DOCK4: variants seen among roughly 807,000 people sequenced by gnomAD.
DOCK4 encodes the protein dedicator of cytokinesis protein 4.
Under a neutral mutation model 268.1 loss-of-function variants are expected in DOCK4, and 97 were observed. The ratio of observed to expected loss-of-function variants is 0.36; its 90% CI spans 0.31 to 0.43. The LOEUF is 0.43. Among genes scored for constraint, DOCK4 ranks in the 20% least tolerant of loss-of-function variants. DOCK4 has a pLI of 1.00. For missense variants in DOCK4, 2,145 were observed against 2,455.7 expected (o/e 0.87, Z 2.67); for synonymous variants, 954 against 887.2 (o/e 1.08, Z -1.34).
intron 4 of DOCK4, among the ~76,000 whole-genome samples, chr7:111,998,078 G>A (rs1800111364): frequency 6.6e-6 from 1 of 152,172 alleles, no homozygotes; most frequent in Non-Finnish European, 1.5e-5. Flanking sequence ...TAGAATCAGT[G>A]GTGAACCTAG....
At chr7:111,902,814 G>T (rs1791252682) in intron 13 of DOCK4, among the ~76,000 whole-genome samples, 1 of 151,452 alleles carries the variant, frequency 6.6e-6, no homozygotes, top group Admixed American at 6.6e-5. Flanking sequence ...CTGTCGCCCA[G>T]GCTGGAGTGC....
At chr7:112,119,043 T>C (rs2115856229) in intron 1 of DOCK4, among the ~76,000 whole-genome samples, 1 of 152,276 alleles carries the variant, frequency 6.6e-6, no homozygotes, top group East Asian at 1.9e-4. Context: ...GCTAGTCACT[T>C]TGGCTCGCTG....
intron 23 of DOCK4, among the ~76,000 whole-genome samples, chr7:111,862,097 G>A (rs1387111805): frequency 2.6e-5 from 4 of 151,998 alleles, no homozygotes; most frequent in Non-Finnish European, 4.4e-5. Flanking sequence ...TCAGGAGTTC[G>A]ACAGCAGCCT....
chr7:112,061,520 GTCACCCGCTTTCTAACAC>G (rs1806389603), intron 1 of DOCK4, among the ~76,000 whole-genome samples: 1 of 151,932 alleles, frequency 6.6e-6, no homozygotes, highest in Admixed American at 6.6e-5. Context: ...ATGTCTTTCT[GTCACCCGCTTTCTAACAC>G]TCCATCCTTA....
At chr7:111,891,488 C>A (rs1164763231) in intron 16 of DOCK4, among the ~76,000 whole-genome samples, 1 of 152,136 alleles carries the variant, frequency 6.6e-6, no homozygotes, top group Non-Finnish European at 1.5e-5. Flanking sequence ...TTAATCAGAT[C>A]TATGTTATTG....
chr7:111,745,213 T>A (rs1299822115), intron 44 of DOCK4, among the ~76,000 whole-genome samples: 1 of 152,196 alleles, frequency 6.6e-6, no homozygotes, highest in Non-Finnish European at 1.5e-5. Context: ...TGATGAGTTG[T>A]ATGTAGTTTT....
chr7:112,133,273 CA>C (rs1813977533), intron 1 of DOCK4, among the ~76,000 whole-genome samples: 1 of 152,074 alleles, frequency 6.6e-6, no homozygotes, highest in Non-Finnish European at 1.5e-5. Context: ...AGAGAGAAAC[CA>C]AAATAGAGTC....
At chr7:111,979,023 A>G (rs552878087) in intron 7 of DOCK4, among the ~76,000 whole-genome samples, 1 of 152,314 alleles carries the variant, frequency 6.6e-6, no homozygotes, top group East Asian at 1.9e-4. Flanking sequence ...TTTCAATTTC[A>G]TTGTAACAGA....
intron 1 of DOCK4, among the ~76,000 whole-genome samples, chr7:112,052,224 T>C (rs1488538570): frequency 6.6e-6 from 1 of 152,170 alleles, no homozygotes; most frequent in African/African-American, 2.4e-5. Flanking sequence ...ATTTTTGATC[T>C]GTGATTGAAT....
At chr7:111,822,837 G>T (rs1802098358) in intron 26 of DOCK4, among the ~76,000 whole-genome samples, 2 of 152,206 alleles carry the variant, frequency 1.3e-5, no homozygotes, top group Non-Finnish European at 1.5e-5. Flanking sequence ...ACAATGAACA[G>T]TCCTGGCTCA....
intron 1 of DOCK4, among the ~76,000 whole-genome samples, chr7:112,009,449 A>C (rs1227527540): frequency 6.6e-6 from 1 of 152,240 alleles, no homozygotes; most frequent in Non-Finnish European, 1.5e-5. Context: ...AAATAAGCTG[A>C]CTGCACCAGA....
chr7:111,986,101 C>T (rs1473090967), intron 6 of DOCK4, among the ~76,000 whole-genome samples: 1 of 152,136 alleles, frequency 6.6e-6, no homozygotes, highest in African/African-American at 2.4e-5. Flanking sequence ...TGGGTAAGCA[C>T]CTGACCTAAG....
chr7:111,783,272 G>A (rs1325934111), intron 34 of DOCK4, among the ~76,000 whole-genome samples: 1 of 152,164 alleles, frequency 6.6e-6, no homozygotes, highest in Non-Finnish European at 1.5e-5. Context: ...AGTAGGGTGA[G>A]AAGTGGCTGG....
chr7:111,825,882 T>C (rs1802350623), intron 26 of DOCK4, among the ~76,000 whole-genome samples: 1 of 152,198 alleles, frequency 6.6e-6, no homozygotes, highest in Non-Finnish European at 1.5e-5. Flanking sequence ...TAAAACAAAG[T>C]AGGAACAGTT....
intron 2 of DOCK4, among the ~76,000 whole-genome samples, chr7:112,002,938 C>T (rs1183302024): frequency 6.6e-6 from 1 of 151,312 alleles, no homozygotes; most frequent in Non-Finnish European, 1.5e-5. Context: ...GTAATCCCAG[C>T]TATTCGGGAG....
rs762780907 is a variant in DOCK4, at chr7:111,735,136, C to T, written c.5337G>A (p.Leu1779=). The T allele has an allele frequency of 2.9e-5, 46 of 1,596,544 alleles. No homozygotes were observed. Among genetic ancestry groups the T allele is most frequent in the Non-Finnish European group, 3.8e-5 (45 of 1,171,190 alleles). Residue 1779 remains leucine (L), a synonymous_variant, in exon 51 of 53, where the codon CTG becomes CTA. Coordinates refer to ENST00000428084, the MANE Select transcript of DOCK4 (RefSeq NM_001363540.2). ...AVNPTPSSWS[L]DSGKEAKNMS... The stretch of plus-strand genomic sequence containing the variant: ...TGTTCTTGGCTTCCTTCCCACTGTC[C>T]AGGCTCCAGCTGCTAGGGGTGGGGT...
intron 16 of DOCK4, among the ~76,000 whole-genome samples, chr7:111,884,026 G>A (rs1311982144): frequency 1.3e-5 from 2 of 152,114 alleles, no homozygotes; most frequent in Non-Finnish European, 2.9e-5. Flanking sequence ...TGGTCTCTAT[G>A]AACCCTTTTA....
intron 16 of DOCK4, among the ~76,000 whole-genome samples, chr7:111,878,532 C>G (rs1807105964): frequency 6.6e-6 from 1 of 152,172 alleles, no homozygotes; most frequent in South Asian, 2.1e-4. Context: ...AACTTCATAT[C>G]CCTGAAAAAG....
chr7:111,900,273 A>C, intron 15 of DOCK4, 101 bp downstream of exon 15: 2 of 1,353,072 alleles, frequency 1.5e-6, no homozygotes, highest in East Asian at 2.5e-5. Flanking sequence ...GATTTTTACA[A>C]AAGTAATCAA....
Sources: allele counts gnomAD v4.1 joint callset (sites outside exome capture counted in the v4.1 genomes callset), GRCh38; gene constraint gnomAD v4.1.1; transcripts MANE v1.5; gene names NCBI Gene and HGNC (gene_info 2026-07-23, HGNC 2026-07-21).